Variants in MACF1 observed in about 807,000 individuals in gnomAD.
MACF1 encodes the protein microtubule-actin cross-linking factor 1.
A neutral mutation model predicts 854.8 loss-of-function variants in MACF1; 193 were observed. The observed-to-expected ratio is 0.23, with a 90% CI of 0.20 to 0.25. The LOEUF (loss-of-function observed/expected upper bound fraction) is 0.25, where lower values mean the gene tolerates loss of function less well. Ranked by LOEUF, MACF1 falls within the 10% of genes least tolerant of loss-of-function variation. The pLI, the probability that MACF1 is intolerant of heterozygous loss-of-function variation, is 1.00. For missense variants in MACF1, 7,722 were observed against 8,929.1 expected, an observed-to-expected ratio of 0.86 and a Z score of 5.45; for synonymous variants, 3,185 against 3,226.7, an observed-to-expected ratio of 0.99 and a Z score of 0.44.
chr1:39,427,549 C>A lies in MACF1; in HGVS notation c.16411C>A (p.Leu5471Ile). ...SDFLSVTEKK[L>I]ANSEPVGTQT... ...CTTCTTATCTGTCACAGAGAAAAAG[C>A]TTGCTAACTCAGAACCTGTTGGCAC... The change falls in exon 62 of 101, where the codon CTT becomes ATT. Residue 5471 changes from leucine (L) to isoleucine (I), a missense_variant. Transcript: ENST00000564288. The A allele has an allele frequency of 1.2e-6, 2 of 1,614,076 alleles. No individual in the cohort carries two copies. The highest frequency in any genetic ancestry group is 1.7e-6 in the Non-Finnish European group (2 of 1,179,986).
chr1:39,329,377 A>G (rs1414671814), intron 36 of MACF1, among the ~76,000 whole-genome samples: 2 of 152,192 alleles, frequency 1.3e-5, no homozygotes, highest in East Asian at 3.9e-4. Context: ...CCTGAGGGGA[A>G]ATGGCTTAAT....
At position 39,454,911 on chromosome 1, in the gene MACF1, C is replaced by T; in HGVS notation, c.20889C>T (p.Val6963=). 6.2e-7 allele frequency: 1 copy of T among 1,613,074 alleles called. No homozygotes were observed. ...ITIIRARFEE[V]LTWAKQHQQR... ...ATGGTTTCCTTCTTTTTCCACAGGT[C>T]CTGACATGGGCTAAGCAGCACCAGC... is the stretch of plus-strand genomic sequence containing the variant. The change falls in exon 89 of 101, where the codon GTC becomes GTT. Residue 6963 remains valine (V), a splice_region_variant and synonymous_variant. Coordinates refer to ENST00000564288, the MANE Select transcript of MACF1 (RefSeq NM_001394062.1).
chr1:39,127,488 A>G (rs1448779079), intron 2 of MACF1, among the ~76,000 whole-genome samples: 5 of 152,218 alleles, frequency 3.3e-5, no homozygotes, highest in Non-Finnish European at 7.3e-5. Flanking sequence ...CATTTTGCAG[A>G]GGAGAAAAGT....
intron 58 of MACF1, chr1:39,414,498 T>C: frequency 6.2e-7 from 1 of 1,613,840 alleles, no homozygotes; most frequent in Non-Finnish European, 8.5e-7. Flanking sequence ...ATTTTGATTC[T>C]GGGAAGGGTC....
chr1:39,325,709 A>G (rs1646597316), intron 35 of MACF1, among the ~76,000 whole-genome samples: 1 of 152,166 alleles, frequency 6.6e-6, no homozygotes. Flanking sequence ...GAGATGAGGG[A>G]AAGGAGATTA....
At chr1:39,094,765 G>C (rs1050113635) in intron 2 of MACF1, among the ~76,000 whole-genome samples, 3 of 152,012 alleles carry the variant, frequency 2.0e-5, no homozygotes, top group African/African-American at 4.8e-5. Context: ...GGTGGTATGC[G>C]CCTGTAATAC....
chr1:39,340,901 C>G lies in MACF1; in HGVS notation c.10529C>G (p.Ser3510Cys), dbSNP rs1402044168. 7 of 1,613,532 alleles carry G rather than the reference C, an allele frequency of 4.3e-6. No homozygotes were observed. In the African/African-American group the frequency reaches 6.7e-5, roughly 15 times the overall value. The part of the protein sequence containing the change: ...NKNLILNSKG[S>C]NSEIDVDSLN... The stretch of plus-strand genomic sequence containing the variant: ...AATCTTATTCTGAACAGCAAGGGAT[C>G]TAACAGTGAAATAGATGTTGACAGC... The change falls in exon 40 of 101, where the codon TCT becomes TGT. Residue 3510 changes from serine (S) to cysteine (C), a missense_variant. Physicochemically the swap from Ser to Cys is moderately radical, Grantham distance 112 (BLOSUM62 -1). Around this residue, in one of 15 missense-constraint regions of MACF1, gnomAD observed 854 missense variants for 852.6 expected, o/e 1.00. Coordinates refer to ENST00000564288, the MANE Select transcript of MACF1 (RefSeq NM_001394062.1).
intron 95 of MACF1, 126 bp downstream of exon 95, chr1:39,465,238 C>T (rs1330951652): frequency 3.3e-6 from 3 of 912,464 alleles, no homozygotes; most frequent in East Asian, 2.4e-5. Context: ...GGTTGTCTTA[C>T]CAAGTGGAGA....
intron 55 of MACF1, among the ~76,000 whole-genome samples, chr1:39,381,382 G>GGGC (rs1557620959): frequency 2.8e-5 from 4 of 143,132 alleles, no homozygotes; most frequent in African/African-American, 1.0e-4. Flanking sequence ...TTTTTTTGGG[G>GGGC]GGGGGGACAG....
chr1:39,221,479 C>T (rs996955734), intron 1 of MACF1, among the ~76,000 whole-genome samples: 6 of 152,172 alleles, frequency 3.9e-5, no homozygotes, highest in Non-Finnish European at 5.9e-5. Context: ...GTGAGAAGAT[C>T]CTCCTAACAC....
chr1:39,329,775 C>G (rs186977285), intron 36 of MACF1, among the ~76,000 whole-genome samples: 1 of 152,272 alleles, frequency 6.6e-6, no homozygotes, highest in East Asian at 1.9e-4. Context: ...GATAAAAGAT[C>G]TCAAAAATGA....
intron 33 of MACF1, 151 bp downstream of exon 33, chr1:39,323,159 G>T: frequency 1.4e-6 from 1 of 691,658 alleles, no homozygotes; most frequent in South Asian, 1.7e-5. Flanking sequence ...GGGTGACATA[G>T]GGAAATCCCC....
chr1:39,434,407 C>G lies in MACF1; in HGVS notation c.17566-7C>G. The G allele has an allele frequency of 9.3e-7, 1 of 1,072,846 alleles. No homozygotes were observed. Among genetic ancestry groups the G allele is most frequent in the South Asian group, 1.8e-5 (1 of 54,608 alleles). 66.5% of individuals were successfully genotyped at this position (1,072,846 alleles called of 1,614,324 possible). ...TATCCTTTTTTTTTTTTTTTTTGCT[C>G]ACATAGGAAAAGACAGAGTCTCTAA... On this transcript the variant is annotated splice_region_variant and splice_polypyrimidine_tract_variant and intron_variant, in intron 68 of 100. Transcript: ENST00000564288.
At chr1:39,341,199 C>T (rs1646929227) in intron 40 of MACF1, among the ~76,000 whole-genome samples, 1 of 151,120 alleles carries the variant, frequency 6.6e-6, no homozygotes, top group African/African-American at 2.4e-5. Flanking sequence ...ACGCCCGGCT[C>T]ATTTTTGTAT....
At chr1:39,357,295 G>A in intron 44 of MACF1, 80 bp from the exon 45 acceptor site, 1 of 1,447,850 alleles carries the variant, frequency 6.9e-7, no homozygotes, top group Non-Finnish European at 9.4e-7. Context: ...CATGGAGTAT[G>A]AAGTCCAGTC....
intron 1 of MACF1, among the ~76,000 whole-genome samples, chr1:39,222,161 G>A (rs566147119): frequency 7.2e-5 from 11 of 152,214 alleles, no homozygotes; most frequent in Admixed American, 5.2e-4. Context: ...GGGTCTTGCT[G>A]TCACCCAGGC....
intron 68 of MACF1, 131 bp downstream of exon 68, chr1:39,433,286 C>G: frequency 1.8e-6 from 1 of 553,980 alleles, no homozygotes; most frequent in Non-Finnish European, 3.2e-6. Context: ...TAAAGTCCAG[C>G]TTGATGTTCT....
chr1:39,291,339 A>C (rs1645783898), intron 15 of MACF1, among the ~76,000 whole-genome samples: 1 of 152,210 alleles, frequency 6.6e-6, no homozygotes, highest in Non-Finnish European at 1.5e-5. Flanking sequence ...CACTATTTAC[A>C]TGTGTTCAAT....
At chr1:39,439,252 T>A in intron 71 of MACF1, 22 bp from the exon 72 acceptor site, 1 of 1,481,660 alleles carries the variant, frequency 6.7e-7, no homozygotes, top group Non-Finnish European at 9.4e-7. Context: ...CCTATTCATA[T>A]CTCTTTTTTT....
Sources: gnomAD v4.1 joint callset for allele counts (sites outside exome capture counted in the v4.1 genomes callset) on GRCh38, gnomAD v4.1.1 for gene constraint, gnomAD v4.1.1 regional missense constraint, MANE v1.5 for transcripts, NCBI Gene and HGNC (gene_info 2026-07-23, HGNC 2026-07-21) for gene names.